TMEM266: variants seen among roughly 807,000 people sequenced by gnomAD.
TMEM266 encodes the protein transmembrane protein 266, also known as Hv1 related protein 1.
TMEM266 carries 33 observed loss-of-function variants against 50.5 expected under a neutral mutation model. The ratio of observed to expected loss-of-function variants is 0.65; its 90% confidence interval spans 0.50 to 0.87. The LOEUF (loss-of-function observed/expected upper bound fraction) is 0.87. TMEM266 is among the 40% of genes least tolerant of loss of function. The pLI is 0.00. For missense variants in TMEM266, 655 were observed against 695.1 expected, an observed-to-expected ratio of 0.94 and a Z score of 0.65; for synonymous variants, 310 against 292.3, an observed-to-expected ratio of 1.06 and a Z score of -0.62.
At chr15:76,097,537 T>G (rs915615122) in intron 1 of TMEM266, among the ~76,000 whole-genome samples, 10 of 152,078 alleles carry the variant, frequency 6.6e-5, no homozygotes, top group African/African-American at 2.4e-4. Flanking sequence ...CATTTTTTCC[T>G]TCATTTCAAC....
chr15:76,095,805 G>A (rs910474008), intron 1 of TMEM266, among the ~76,000 whole-genome samples: 1 of 151,896 alleles, frequency 6.6e-6, no homozygotes, highest in Non-Finnish European at 1.5e-5. Flanking sequence ...TGTTATTGGT[G>A]TATTCAGGGA....
intron 5 of TMEM266, among the ~76,000 whole-genome samples, chr15:76,163,032 C>T (rs2038042054): frequency 6.6e-6 from 1 of 152,252 alleles, no homozygotes; most frequent in Non-Finnish European, 1.5e-5. Flanking sequence ...TTCTCCACCC[C>T]TCCTCTCAGC....
rs201419583 is a variant in TMEM266, at chr15:76,202,214, A to G, written c.971A>G (p.Lys324Arg). 1 of 1,613,818 alleles carries G rather than the reference A, an allele frequency of 6.2e-7. No homozygotes were observed. The highest frequency in any genetic ancestry group is 1.3e-5 in the African/African-American group (1 of 75,018). Residue 324 changes from lysine to arginine, a missense_variant, in exon 10 of 11, where the codon AAG (lysine) becomes AGG (arginine). Lys to Arg is a conservative substitution (Grantham distance 26, BLOSUM62 2). Transcript: ENST00000388942. ...CCCACCTCTGTAGAAGCCACGATGAAGGACGACATGAACAGCTACATCAGT... is the reference window on the plus strand; with the variant it reads ...CCCACCTCTGTAGAAGCCACGATGAGGGACGACATGAACAGCTACATCAGT...
At chr15:76,123,745 C>T (rs1036100826) in intron 1 of TMEM266, among the ~76,000 whole-genome samples, 4 of 151,194 alleles carry the variant, frequency 2.6e-5, no homozygotes, top group African/African-American at 9.8e-5. Context: ...CTTGCTCTGT[C>T]GCCCAGGCTG....
intron 1 of TMEM266, among the ~76,000 whole-genome samples, chr15:76,083,074 C>T (rs139381203): frequency 6.6e-6 from 1 of 152,154 alleles, no homozygotes; most frequent in Non-Finnish European, 1.5e-5. Context: ...ATGAGGGATC[C>T]ACCCCCATGA....
rs143809952 is a variant in TMEM266 at position 76,066,403 on chromosome 15, C to T, written c.-97+6387C>T. Among the ~76,000 whole-genome samples the T allele has an allele frequency of 7.9e-5, 12 of 152,270 alleles. No individual in the cohort carries two copies. In the East Asian group the frequency reaches 2.3e-3, roughly 29 times the overall value. Reference sequence around the variant, plus strand: ...TGCTTTTAAAAAGTAGCTTGAAATCCTACCAACCTATAAAGCTGTTAGAAT... The same window carrying T: ...TGCTTTTAAAAAGTAGCTTGAAATCTTACCAACCTATAAAGCTGTTAGAAT... On this transcript the variant is annotated intron_variant, in intron 1 of 10. Transcript: ENST00000388942.
At chr15:76,191,600 C>T (rs2038570791) in intron 8 of TMEM266, 2 of 186,790 alleles carry the variant, frequency 1.1e-5, no homozygotes, top group African/African-American at 2.3e-5. Context: ...GTCGAGCACC[C>T]CTTGGGGTCA....
intron 1 of TMEM266, among the ~76,000 whole-genome samples, chr15:76,061,671 G>A (rs2036306464): frequency 6.6e-6 from 1 of 152,212 alleles, no homozygotes; most frequent in Non-Finnish European, 1.5e-5. Flanking sequence ...CCTATAAAAA[G>A]TGGGGTCCAA....
rs771188829 is a variant in TMEM266 at position 76,175,543 on chromosome 15, T to G, written c.653-16T>G. ...GCCACTGCTGAATTCTTTACAGGGC[T>G]GTCTCTGTCTTCCAGCCTACGTCCT... On this transcript the variant is annotated splice_polypyrimidine_tract_variant and intron_variant, in intron 7 of 10. Transcript: ENST00000388942. 1.8e-5 allele frequency: 29 copies of G among 1,603,972 alleles called. 1 individual carries two copies. In the South Asian group the frequency reaches 2.1e-4, roughly 12 times the overall value.
At chr15:76,078,345 A>G (rs140905320) in intron 1 of TMEM266, among the ~76,000 whole-genome samples, 3 of 152,166 alleles carry the variant, frequency 2.0e-5, no homozygotes, top group East Asian at 3.9e-4. Context: ...ATACTGGAAT[A>G]AAAGCCTCCT....
At chr15:76,136,884 G>C (rs1241851588) in intron 2 of TMEM266, among the ~76,000 whole-genome samples, 1 of 152,150 alleles carries the variant, frequency 6.6e-6, no homozygotes, top group Non-Finnish European at 1.5e-5. Context: ...CCGTGGTCAT[G>C]GTGGCAACCA....
intron 3 of TMEM266, among the ~76,000 whole-genome samples, chr15:76,156,073 A>G (rs1247658001): frequency 1.3e-5 from 2 of 152,218 alleles, no homozygotes; most frequent in Admixed American, 6.5e-5. Flanking sequence ...GTTTGCATAT[A>G]AGCCCAGCTG....
In TMEM266 at chr15:76,160,287, G is replaced by A. The variant is rs2037998194; in HGVS notation, c.456+119G>A. 4 of 1,020,784 alleles carry A rather than the reference G, an allele frequency of 3.9e-6. No homozygotes were observed. The highest frequency in any genetic ancestry group is 4.5e-6 in the Non-Finnish European group (3 of 662,910). 63.2% of individuals were successfully genotyped at this position (1,020,784 alleles called of 1,614,324 possible). ...AGGTCCCCTGCTAGCCCTTGAGGCT[G>A]CTGGGAGGGAGACACAATATAGATA... On this transcript the variant is annotated intron_variant, in intron 5 of 10. Transcript: ENST00000388942. The surrounding 1 kb of genome is among the most constrained non-coding windows in gnomAD (Gnocchi z 5.7).
intron 4 of TMEM266, among the ~76,000 whole-genome samples, chr15:76,159,298 A>G (rs2037977688): frequency 6.6e-6 from 1 of 152,172 alleles, no homozygotes; most frequent in Admixed American, 6.5e-5. Flanking sequence ...ATGCCATGCC[A>G]GGGTTCAAAG....
intron 1 of TMEM266, among the ~76,000 whole-genome samples, chr15:76,124,622 G>A (rs568366528): frequency 6.6e-6 from 1 of 152,058 alleles, no homozygotes; most frequent in African/African-American, 2.4e-5. Context: ...AACATAGCAA[G>A]ACCCCCAACT....
intron 8 of TMEM266, among the ~76,000 whole-genome samples, chr15:76,187,796 T>C (rs772531445): frequency 1.3e-5 from 2 of 152,166 alleles, no homozygotes; most frequent in Non-Finnish European, 2.9e-5. Flanking sequence ...GCAGCTCAAT[T>C]GGTGGTTGGA....
intron 8 of TMEM266, among the ~76,000 whole-genome samples, chr15:76,176,933 C>G (rs1290219552): frequency 6.6e-6 from 1 of 152,236 alleles, no homozygotes; most frequent in African/African-American, 2.4e-5. Context: ...CCCGACTGTG[C>G]CAAGTGGAGT....
chr15:76,079,759 G>A (rs1466749058), intron 1 of TMEM266, among the ~76,000 whole-genome samples: 2 of 135,350 alleles, frequency 1.5e-5, no homozygotes, highest in Non-Finnish European at 3.1e-5. Context: ...AGGACAGAGC[G>A]AGACTCTGTC....
intron 8 of TMEM266, among the ~76,000 whole-genome samples, chr15:76,190,845 C>CT (rs895474302): frequency 9.5e-4 from 144 of 152,248 alleles, no homozygotes; most frequent in Middle Eastern, 6.8e-3. Context: ...TAGGTGACCT[C>CT]TTAGGCAGGG....
Sources: gnomAD v4.1 joint callset for allele counts (sites outside exome capture counted in the v4.1 genomes callset) on GRCh38, gnomAD v4.1.1 for gene constraint, Gnocchi (gnomAD v3.1) non-coding constraint, MANE v1.5 for transcripts, NCBI Gene and HGNC (gene_info 2026-07-23, HGNC 2026-07-21) for gene names.